Variants in AGMO observed in about 807,000 individuals in gnomAD.
AGMO encodes glyceryl-ether monooxygenase.
Under a neutral mutation model 60.2 loss-of-function variants are expected in AGMO, and 75 were observed. The observed-to-expected ratio is 1.25, with a 90% CI of 1.03 to 1.51. The LOEUF (loss-of-function observed/expected upper bound fraction) is 1.51, where lower values mean the gene tolerates loss of function less well. Among genes scored for constraint, AGMO ranks in the 40% most tolerant of loss-of-function variants. The pLI is 0.00. For synonymous variants in AGMO, 261 were observed against 177.1 expected, an observed-to-expected ratio of 1.47 and a Z score of -3.76; for missense variants, 763 against 525.5, an observed-to-expected ratio of 1.45 and a Z score of -4.42.
chr7:15,414,467 GAC>G, intron 5 of AGMO, among the ~76,000 whole-genome samples: 1 of 141,028 alleles, frequency 7.1e-6, no homozygotes, highest in East Asian at 1.9e-4. Context: ...CCCTAGAATA[GAC>G]ACACATACAC....
chr7:15,529,200 G>C (rs1784210511), intron 3 of AGMO, among the ~76,000 whole-genome samples: 1 of 151,812 alleles, frequency 6.6e-6, no homozygotes, highest in South Asian at 2.1e-4. Flanking sequence ...GTTTTTAAAA[G>C]AAAAATGTTA....
intron 12 of AGMO, among the ~76,000 whole-genome samples, chr7:15,261,068 T>C (rs1783255543): frequency 6.6e-6 from 1 of 151,968 alleles, no homozygotes; most frequent in Non-Finnish European, 1.5e-5. Context: ...AAAGTCTGAA[T>C]GAGCATAAAT....
In AGMO at chr7:15,397,096, C is replaced by T. The variant is rs74573182; in HGVS notation, c.610-2917G>A. 7.0e-3 allele frequency among the ~76,000 whole-genome samples: 1,060 copies of T among 152,270 alleles called. 7 individuals are homozygous for T. The highest frequency in any genetic ancestry group is 9.7e-3 in the Non-Finnish European group (660 of 68,018). Reference sequence around the variant, plus strand: ...TGGCTTCACCTGTCACTGGCACCCGCCAGGAAACTTTGCGGTACCTATCCT... The same window carrying T: ...TGGCTTCACCTGTCACTGGCACCCGTCAGGAAACTTTGCGGTACCTATCCT... On this transcript the variant is annotated intron_variant, in intron 5 of 12. Coordinates refer to ENST00000342526, the MANE Select transcript of AGMO (RefSeq NM_001004320.2).
At chr7:15,143,783 T>G in the AGMO span, among the ~76,000 whole-genome samples, 2 of 152,028 alleles carry the variant, frequency 1.3e-5, no homozygotes, top group Non-Finnish European at 2.9e-5. Context: ...CTTCATGTTT[T>G]CTTAGAATGG....
intron 12 of AGMO, among the ~76,000 whole-genome samples, chr7:15,307,419 CTTTA>C (rs1780646379): frequency 6.6e-6 from 1 of 152,014 alleles, no homozygotes; most frequent in African/African-American, 2.4e-5. Flanking sequence ...GTGAATAAAA[CTTTA>C]TTTAGATGGG....
intron 12 of AGMO, among the ~76,000 whole-genome samples, chr7:15,314,972 G>C (rs191775102): frequency 6.6e-6 from 1 of 152,102 alleles, no homozygotes; most frequent in Admixed American, 6.6e-5. Flanking sequence ...CCAATGTAAG[G>C]ACCGAAGCGA....
At chr7:15,324,457 G>C (rs1037003020) in intron 12 of AGMO, among the ~76,000 whole-genome samples, 6 of 152,034 alleles carry the variant, frequency 3.9e-5, no homozygotes, top group African/African-American at 1.4e-4. Context: ...ATAAGCTTTG[G>C]TTTCTTGTTC....
chr7:15,395,301 A>G (rs535407981), intron 5 of AGMO, among the ~76,000 whole-genome samples: 19 of 152,314 alleles, frequency 1.2e-4, no homozygotes, highest in East Asian at 3.9e-4. Context: ...TATGAATTTG[A>G]TAAGTCAGTG....
intron 12 of AGMO, among the ~76,000 whole-genome samples, chr7:15,290,679 A>T (rs1049326036): frequency 5.3e-5 from 8 of 152,296 alleles, no homozygotes; most frequent in Non-Finnish European, 1.2e-4. Context: ...TGTCTTATAG[A>T]TAGTGTTTAG....
chr7:15,507,795 AAGC>A (rs1326786504), intron 3 of AGMO, among the ~76,000 whole-genome samples: 1 of 152,064 alleles, frequency 6.6e-6, no homozygotes, highest in African/African-American at 2.4e-5. Context: ...AGGAACAAAA[AAGC>A]ATATTAGATA....
chr7:15,277,476 T>A (rs1783836254), intron 12 of AGMO, among the ~76,000 whole-genome samples: 2 of 152,140 alleles, frequency 1.3e-5, no homozygotes, highest in African/African-American at 4.8e-5. Flanking sequence ...GCTGATCCCT[T>A]CTGATCTGGA....
rs79563313 is a variant in AGMO at position 15,331,925 on chromosome 7, A to C, written c.1263+33589T>G. Reference sequence around the variant, plus strand: ...TGGACAACAAGAGTAAAACTGTCTCAAAAAAAAAAAAATTGCCATGTGACT... The same window carrying C: ...TGGACAACAAGAGTAAAACTGTCTCCAAAAAAAAAAAATTGCCATGTGACT... On this transcript the variant is annotated intron_variant, in intron 12 of 12. Transcript: ENST00000342526. Among the ~76,000 whole-genome samples, 3 of 101,670 alleles carry C rather than the reference A, an allele frequency of 3.0e-5. No homozygotes were observed. In the East Asian group the frequency reaches 6.6e-4, roughly 22 times the overall value. 66.7% of individuals were successfully genotyped at this position (101,670 alleles called of 152,430 possible).
chr7:15,559,998 A>C (rs993881863), intron 2 of AGMO, 143 bp downstream of exon 2: 2 of 759,418 alleles, frequency 2.6e-6, no homozygotes, highest in African/African-American at 3.6e-5. Context: ...ACAAAATATC[A>C]AAATTTTAAA....
At chr7:15,351,186 T>C (rs185384929) in intron 12 of AGMO, among the ~76,000 whole-genome samples, 2 of 152,220 alleles carry the variant, frequency 1.3e-5, no homozygotes, top group African/African-American at 2.4e-5. Flanking sequence ...CATGGGCAAA[T>C]GTCTGCATAA....
intron 12 of AGMO, chr7:15,358,396 A>C (rs1321579523): frequency 2.1e-6 from 1 of 471,390 alleles, no homozygotes; most frequent in South Asian, 1.6e-5. Flanking sequence ...AAGGATAATA[A>C]GAAGGCATAA....
intron 12 of AGMO, among the ~76,000 whole-genome samples, chr7:15,329,390 G>A (rs2128543591): frequency 6.6e-6 from 1 of 152,284 alleles, no homozygotes; most frequent in East Asian, 1.9e-4. Flanking sequence ...AAGTTTAGTA[G>A]TGCAGAAAAA....
chr7:15,557,652 A>G (rs1785182267), intron 2 of AGMO, among the ~76,000 whole-genome samples: 1 of 151,934 alleles, frequency 6.6e-6, no homozygotes, highest in Admixed American at 6.6e-5. Flanking sequence ...AGTTTTATAT[A>G]ACAAAACAAA....
At chr7:15,458,553 T>C (rs1036286639) in intron 3 of AGMO, among the ~76,000 whole-genome samples, 1 of 152,206 alleles carries the variant, frequency 6.6e-6, no homozygotes, top group Non-Finnish European at 1.5e-5. Flanking sequence ...CACTTTATGA[T>C]AGGAATCATT....
Position 15,322,518 on chromosome 7 carries a change from A to G in AGMO, c.1263+42996T>C, listed in dbSNP as rs1227298996. ...TATAAATATATAAATATATATATAA[A>G]TATATATAAATATATAAATATATAT... On this transcript the variant is annotated intron_variant, in intron 12 of 12. Coordinates refer to ENST00000342526, the MANE Select transcript of AGMO (RefSeq NM_001004320.2). Among the ~76,000 whole-genome samples the G allele has an allele frequency of 8.2e-4, 72 of 87,874 alleles. 2 individuals are homozygous for G. The highest frequency in any genetic ancestry group is 1.7e-3 in the East Asian group (6 of 3,616). 57.6% of individuals were successfully genotyped at this position (87,874 alleles called of 152,430 possible).
Sources: allele counts gnomAD v4.1 joint callset (sites outside exome capture counted in the v4.1 genomes callset), GRCh38; gene constraint gnomAD v4.1.1; transcripts MANE v1.5; gene names NCBI Gene and HGNC (gene_info 2026-07-23, HGNC 2026-07-21).